Variants in PLXNA4 observed in about 807,000 individuals in gnomAD.
The protein encoded by PLXNA4 is plexin-A4.
A neutral mutation model predicts 191.8 loss-of-function variants in PLXNA4; 44 were observed. The ratio of observed to expected loss-of-function variants is 0.23; its 90% CI spans 0.18 to 0.29. PLXNA4 has a LOEUF of 0.29. Among genes scored for constraint, PLXNA4 ranks in the 10% least tolerant of loss-of-function variants. PLXNA4 has a pLI of 1.00. For synonymous variants in PLXNA4, 1,082 were observed against 1,009.5 expected (o/e 1.07, Z -1.36); for missense variants, 1,800 against 2,488.8 (o/e 0.72, Z 5.89).
chr7:132,530,164 G>A (rs955283842), intron 1 of PLXNA4, among the ~76,000 whole-genome samples: 1 of 152,148 alleles, frequency 6.6e-6, no homozygotes, highest in Non-Finnish European at 1.5e-5. Context: ...CTCACCAAGG[G>A]CCATGAGGAA....
At chr7:132,324,554 C>T (rs985973266) in intron 3 of PLXNA4, among the ~76,000 whole-genome samples, 1 of 152,152 alleles carries the variant, frequency 6.6e-6, no homozygotes, top group African/African-American at 2.4e-5. Context: ...TTATAAAGTG[C>T]TTGTTTCTCG....
intron 3 of PLXNA4, among the ~76,000 whole-genome samples, chr7:132,409,817 C>T (rs1794376585): frequency 1.3e-5 from 2 of 152,178 alleles, no homozygotes; most frequent in African/African-American, 4.8e-5. Flanking sequence ...CCTGCGGATA[C>T]CTCCCCTGTA....
intron 24 of PLXNA4, among the ~76,000 whole-genome samples, chr7:132,161,045 C>A (rs917233216): frequency 6.6e-6 from 1 of 152,208 alleles, no homozygotes; most frequent in East Asian, 1.9e-4. Flanking sequence ...TCCCAGCTCT[C>A]CCCTCCTTCT....
rs76926671 is a variant in PLXNA4, at chr7:132,324,446, G to C, written c.1372-26224C>G. 4.8e-3 allele frequency among the ~76,000 whole-genome samples: 735 copies of C among 152,272 alleles called. 5 individuals are homozygous for C. Among genetic ancestry groups the C allele is most frequent in the Non-Finnish European group, 7.5e-3 (508 of 68,022 alleles). On this transcript the variant is annotated intron_variant, in intron 3 of 31. Transcript: ENST00000321063. ...TGCTACAATTTACCTAACAAATTTT[G>C]AGCTTGTAATACAGCTTCATTAATA...
chr7:132,367,325 C>A lies in PLXNA4; in HGVS notation c.1372-69103G>T, dbSNP rs1804226881. On this transcript the variant is annotated intron_variant, in intron 3 of 31. Transcript: ENST00000321063. ...GGTGGCCTAGCAGCTCTGTCATGGA[C>A]TATGACCAAAGAAGTATTTCCAAAG... 2.0e-5 allele frequency among the ~76,000 whole-genome samples: 3 copies of A among 152,138 alleles called. No homozygotes were observed. The South Asian group carries it at 6.2e-4, about 31-fold the overall frequency.
intron 3 of PLXNA4, among the ~76,000 whole-genome samples, chr7:132,412,322 G>A (rs1794490392): frequency 1.3e-5 from 2 of 152,224 alleles, no homozygotes; most frequent in African/African-American, 2.4e-5. Context: ...GAAATGGTAT[G>A]CCTACTATGC....
intron 12 of PLXNA4, among the ~76,000 whole-genome samples, chr7:132,199,105 T>C (rs1797351397): frequency 6.6e-6 from 1 of 152,184 alleles, no homozygotes; most frequent in Non-Finnish European, 1.5e-5. Context: ...TCTCTCTCCA[T>C]TTAAATTCCA....
intron 3 of PLXNA4, among the ~76,000 whole-genome samples, chr7:132,407,834 T>C (rs1471936226): frequency 6.6e-6 from 1 of 152,234 alleles, no homozygotes; most frequent in Non-Finnish European, 1.5e-5. Context: ...ACAGATTTTA[T>C]ACATCGGAAA....
chr7:132,631,439 T>A (rs1430180089), intron 2 of PLXNA4, among the ~76,000 whole-genome samples: 1 of 152,150 alleles, frequency 6.6e-6, no homozygotes, highest in Non-Finnish European at 1.5e-5. Flanking sequence ...AACTGAATAA[T>A]CTTGTAGGAA....
intron 3 of PLXNA4, among the ~76,000 whole-genome samples, chr7:132,396,502 T>C (rs1260991393): frequency 6.6e-6 from 1 of 152,050 alleles, no homozygotes; most frequent in East Asian, 1.9e-4. Flanking sequence ...ATTTTTTTTG[T>C]TTGTTTTTGA....
rs1407979750 is a variant in PLXNA4 at position 132,147,888 on chromosome 7, G to A, written c.4864+12C>T. 6.2e-7 allele frequency: 1 copy of A among 1,614,064 alleles called. No individual in the cohort carries two copies. The highest frequency in any genetic ancestry group is 1.1e-5 in the South Asian group (1 of 91,072). On this transcript the variant is annotated intron_variant, in intron 27 of 31. Coordinates refer to ENST00000321063, the MANE Select transcript of PLXNA4 (RefSeq NM_020911.2). ...CACCCAGGCCTCCCTAGGACACTCG[G>A]TGGGATCTTACCATATTTACTTGCT...
intron 25 of PLXNA4, among the ~76,000 whole-genome samples, chr7:132,153,369 C>T (rs767769623): frequency 3.3e-5 from 5 of 152,000 alleles, no homozygotes; most frequent in East Asian, 1.9e-4. Flanking sequence ...GGAGACAGAG[C>T]GGGGAGGGGA....
chr7:132,545,139 C>A (rs1050567642), intron 1 of PLXNA4, among the ~76,000 whole-genome samples: 3 of 152,188 alleles, frequency 2.0e-5, no homozygotes, highest in African/African-American at 7.2e-5. Context: ...AACAGGATGA[C>A]CACCCCTCCC....
intron 1 of PLXNA4, among the ~76,000 whole-genome samples, chr7:132,564,015 C>G (rs1255864958): frequency 3.2e-5 from 2 of 62,664 alleles, no homozygotes; most frequent in Non-Finnish European, 6.3e-5. Context: ...TCCTTCTCCT[C>G]CTCCTTCTCC....
In PLXNA4 at chr7:132,307,646, C is replaced by T. The variant is rs149684913; in HGVS notation, c.1372-9424G>A. On this transcript the variant is annotated intron_variant, in intron 3 of 31. Coordinates refer to ENST00000321063, the MANE Select transcript of PLXNA4 (RefSeq NM_020911.2). ...AACTGCCCAGCCAGGCCCGCGTGGCCGGTAGGTGCCCTGTTTCGCCAGCAG... is the reference window on the plus strand; with the variant it reads ...AACTGCCCAGCCAGGCCCGCGTGGCTGGTAGGTGCCCTGTTTCGCCAGCAG... 2.3e-3 allele frequency among the ~76,000 whole-genome samples: 355 copies of T among 152,148 alleles called. 3 individuals carry two copies. The highest frequency in any genetic ancestry group is 8.2e-3 in the African/African-American group (341 of 41,496).
intron 3 of PLXNA4, among the ~76,000 whole-genome samples, chr7:132,348,956 T>A (rs576012628): frequency 4.0e-4 from 61 of 152,138 alleles, no homozygotes; most frequent in Non-Finnish European, 6.8e-4. Flanking sequence ...GCAGAACTCC[T>A]AATGGGGGCA....
intron 2 of PLXNA4, among the ~76,000 whole-genome samples, chr7:132,641,908 T>G (rs1268806169): frequency 1.3e-5 from 2 of 152,164 alleles, no homozygotes; most frequent in African/African-American, 4.8e-5. Flanking sequence ...CACAGCATCA[T>G]AAGATAGCAT....
At chr7:132,167,127 C>G (rs753719540) in intron 22 of PLXNA4, among the ~76,000 whole-genome samples, 2 of 152,156 alleles carry the variant, frequency 1.3e-5, no homozygotes, top group Non-Finnish European at 2.9e-5. Flanking sequence ...TTTCTAACTT[C>G]AGATATGCCA....
intron 25 of PLXNA4, among the ~76,000 whole-genome samples, chr7:132,150,204 C>T (rs949553545): frequency 1.3e-4 from 20 of 152,168 alleles, no homozygotes; most frequent in African/African-American, 4.8e-4. Context: ...GACTAATAGG[C>T]AAAGGGGAAA....
Sources: allele counts gnomAD v4.1 joint callset (sites outside exome capture counted in the v4.1 genomes callset), GRCh38; gene constraint gnomAD v4.1.1; transcripts MANE v1.5; gene names NCBI Gene and HGNC (gene_info 2026-07-23, HGNC 2026-07-21).